The following GNG2 variants were observed in gnomAD, a reference collection of about 807,000 sequenced individuals.
GNG2 encodes the protein guanine nucleotide-binding protein G(I)/G(S)/G(O) subunit gamma-2.
GNG2 carries 5 observed loss-of-function variants against 5.5 expected under a neutral mutation model. The ratio of observed to expected loss-of-function variants is 0.91; its 90% CI spans 0.48 to 1.92. The LOEUF is 1.92. GNG2 is among the 30% of genes most tolerant of loss of function. The probability of loss-of-function intolerance (pLI) is 0.01; values close to 1 mark genes in which losing one functional copy is unlikely to be tolerated. For synonymous variants in GNG2, 28 were observed against 32.0 expected (o/e 0.88, Z 0.42); for missense variants, 55 against 88.4 (o/e 0.62, Z 1.52).
chr14:51,829,003 A>G (rs1326415265), intron 2 of GNG2, among the ~76,000 whole-genome samples: 3 of 152,190 alleles, frequency 2.0e-5, no homozygotes, highest in Non-Finnish European at 4.4e-5. Context: ...CAAGGTCCAC[A>G]GTGATGATAC....
chr14:51,961,394 A>G (rs1253647), intron 3 of GNG2, among the ~76,000 whole-genome samples: 140,871 of 152,236 alleles, frequency 0.93, 65,676 homozygotes, highest in Non-Finnish European at 0.98. Flanking sequence ...GAAGAAGATT[A>G]TGTTTGAGAA....
intron 2 of GNG2, among the ~76,000 whole-genome samples, chr14:51,881,556 T>C (rs1884072790): frequency 6.6e-6 from 1 of 152,188 alleles, no homozygotes; most frequent in Non-Finnish European, 1.5e-5. Flanking sequence ...TCCTGGGGCC[T>C]CATCCCTTAC....
intron 1 of GNG2, among the ~76,000 whole-genome samples, chr14:51,875,361 C>T (rs1321363809): frequency 6.6e-6 from 1 of 152,196 alleles, no homozygotes; most frequent in Non-Finnish European, 1.5e-5. Context: ...GATGCTGTAC[C>T]ATTGAATTTT....
intron 2 of GNG2, among the ~76,000 whole-genome samples, chr14:51,831,426 A>G (rs1365274796): frequency 2.0e-5 from 3 of 152,206 alleles, no homozygotes; most frequent in African/African-American, 4.8e-5. Context: ...ACTGTGCTCA[A>G]TACATATTTT....
At chr14:51,906,565 C>T (rs1885932693) in intron 2 of GNG2, among the ~76,000 whole-genome samples, 1 of 152,052 alleles carries the variant, frequency 6.6e-6, no homozygotes, top group Admixed American at 6.5e-5. Context: ...TTTTTAAAAG[C>T]ATTTTATAAA....
intron 2 of GNG2, among the ~76,000 whole-genome samples, chr14:51,937,118 C>G (rs192447451): frequency 6.6e-6 from 1 of 152,136 alleles, no homozygotes; most frequent in Non-Finnish European, 1.5e-5. Context: ...CATTTTCCCT[C>G]TACTCCTTAT....
At chr14:51,870,058 A>G (rs2140119467) in intron 1 of GNG2, among the ~76,000 whole-genome samples, 1 of 152,316 alleles carries the variant, frequency 6.6e-6, no homozygotes, top group African/African-American at 2.4e-5. Context: ...AGAGTTGGCC[A>G]CTATTATTAT....
intron 2 of GNG2, among the ~76,000 whole-genome samples, chr14:51,890,534 A>G (rs1305837279): frequency 6.6e-6 from 1 of 152,200 alleles, no homozygotes; most frequent in East Asian, 1.9e-4. Flanking sequence ...TTTATGTCAC[A>G]GTGTGTGTTT....
chr14:51,863,415 A>C (rs570183332), intron 1 of GNG2, among the ~76,000 whole-genome samples: 112 of 152,326 alleles, frequency 7.4e-4, no homozygotes, highest in Non-Finnish European at 1.5e-3. Flanking sequence ...TCTACATAGA[A>C]GGTACTGAAA....
At chr14:51,839,680 C>A (rs185520582) in intron 2 of GNG2, among the ~76,000 whole-genome samples, 1 of 152,120 alleles carries the variant, frequency 6.6e-6, no homozygotes, top group Non-Finnish European at 1.5e-5. Flanking sequence ...TGTTCTATAT[C>A]TTGATCGTGG....
At chr14:51,841,567 A>G (rs1447054654) in intron 2 of GNG2, 1 of 702,008 alleles carries the variant, frequency 1.4e-6, no homozygotes, top group Non-Finnish European at 2.6e-6. Flanking sequence ...CCGGATTTGA[A>G]CCCAGGTAAT....
chr14:51,881,078 C>T (rs916393258), intron 2 of GNG2, among the ~76,000 whole-genome samples: 58 of 151,604 alleles, frequency 3.8e-4, no homozygotes, highest in African/African-American at 1.4e-3. Context: ...CCAGCAGGCT[C>T]CTGCACTTTG....
chr14:51,831,726 C>CTA (rs1881196853), intron 2 of GNG2, among the ~76,000 whole-genome samples: 1 of 152,144 alleles, frequency 6.6e-6, no homozygotes, highest in African/African-American at 2.4e-5. Flanking sequence ...AGAAGCTCTA[C>CTA]TATAACTGAA....
intron 1 of GNG2, among the ~76,000 whole-genome samples, chr14:51,872,082 T>G (rs116440161): frequency 4.3e-4 from 65 of 152,326 alleles, no homozygotes; most frequent in African/African-American, 1.4e-3. Flanking sequence ...TGGGTCATAC[T>G]GTCAAGACAA....
intron 2 of GNG2, among the ~76,000 whole-genome samples, chr14:51,879,999 A>G (rs558035796): frequency 1.3e-5 from 2 of 152,330 alleles, no homozygotes; most frequent in Admixed American, 1.3e-4. Context: ...TATAGGATTA[A>G]AACATTAAGG....
intron 2 of GNG2, among the ~76,000 whole-genome samples, chr14:51,854,779 C>T (rs960530725): frequency 3.3e-5 from 5 of 152,170 alleles, no homozygotes; most frequent in African/African-American, 1.2e-4. Flanking sequence ...TCCCAAGGTG[C>T]TGGGATTACA....
At chr14:51,896,890 G>A (rs1885225291) in intron 2 of GNG2, among the ~76,000 whole-genome samples, 1 of 151,962 alleles carries the variant, frequency 6.6e-6, no homozygotes, top group Non-Finnish European at 1.5e-5. Flanking sequence ...AAAATCATAA[G>A]GAAATAGAAT....
intron 2 of GNG2, among the ~76,000 whole-genome samples, chr14:51,895,535 G>A (rs1885135999): frequency 6.6e-6 from 1 of 152,088 alleles, no homozygotes; most frequent in African/African-American, 2.4e-5. Flanking sequence ...CTGGAAAAAA[G>A]GCCAGATAAT....
At chr14:51,855,470 C>A (rs1882113620), upstream of GNG2, among the ~76,000 whole-genome samples, 1 of 152,206 alleles carries the variant, frequency 6.6e-6, no homozygotes, top group African/African-American at 2.4e-5. Flanking sequence ...TCCTGTGACA[C>A]ACAGATCAGA....
Sources: allele counts gnomAD v4.1 joint callset (sites outside exome capture counted in the v4.1 genomes callset), GRCh38; gene constraint gnomAD v4.1.1; transcripts MANE v1.5; gene names NCBI Gene and HGNC (gene_info 2026-07-23, HGNC 2026-07-21).